DOT1L: variants seen among roughly 807,000 people sequenced by gnomAD.
DOT1L encodes histone-lysine N-methyltransferase, H3 lysine-79 specific.
A neutral mutation model predicts 153.3 loss-of-function variants in DOT1L; 33 were observed. The observed-to-expected ratio is 0.22, with a 90% CI of 0.16 to 0.29. DOT1L has a LOEUF of 0.29. Ranked by LOEUF, DOT1L falls within the 10% of genes least tolerant of loss-of-function variation. The pLI is 1.00. For missense variants in DOT1L, 1,847 were observed against 2,119.9 expected, an observed-to-expected ratio of 0.87 and a Z score of 2.53; for synonymous variants, 1,135 against 965.1, an observed-to-expected ratio of 1.18 and a Z score of -3.26.
chr19:2,164,514 C>T (rs913388861), intron 1 of DOT1L: 3 of 302,320 alleles, frequency 9.9e-6, no homozygotes, highest in Non-Finnish European at 1.8e-5. Context: ...ACCGCGGTGC[C>T]GTTGCCCCCG....
At chr19:2,229,509 C>T in intron 27 of DOT1L, 1 of 985,476 alleles carries the variant, frequency 1.0e-6, no homozygotes, top group Non-Finnish European at 1.2e-6. Flanking sequence ...AGATGAGCTG[C>T]AGGTAGGGTG....
chr19:2,218,457 G>A lies in DOT1L; in HGVS notation c.2691+539G>A, dbSNP rs572534288. On this transcript the variant is annotated intron_variant, in intron 22 of 27. Coordinates refer to ENST00000398665, the MANE Select transcript of DOT1L (RefSeq NM_032482.3). ...CGCCCAGGCTGGAGTGCAGTGGTGCGATCTCGGCTCACTGCAAGCTCCACC... is the reference window on the plus strand; with the variant it reads ...CGCCCAGGCTGGAGTGCAGTGGTGCAATCTCGGCTCACTGCAAGCTCCACC... Among the ~76,000 whole-genome samples, 9 of 152,170 alleles carry A rather than the reference G, an allele frequency of 5.9e-5. No individual in the cohort carries two copies. The South Asian group carries it at 1.9e-3, about 32-fold the overall frequency.
intron 13 of DOT1L, 41 bp from the exon 14 acceptor site, chr19:2,210,580 A>G (rs2023671979): frequency 1.3e-6 from 2 of 1,598,422 alleles, no homozygotes. Flanking sequence ...CATGGGTGGG[A>G]GGCTCTGTGC....
At position 2,226,918 on chromosome 19, in the gene DOT1L, G is replaced by T. The variant is rs755343633; in HGVS notation, c.4397G>T (p.Gly1466Val). 6.3e-7 allele frequency: 1 copy of T among 1,580,292 alleles called. No homozygotes were observed. Among genetic ancestry groups the T allele is most frequent in the African/African-American group, 1.4e-5 (1 of 72,534 alleles). ...SSAQTHRSFLGPFPPGPQFAL... is the reference protein window; with the variant it reads ...SSAQTHRSFLVPFPPGPQFAL... ...GCCCAGACGCACCGGTCCTTCCTGG[G>T]CCCCTTCCCGCCGGGACCGCAGTTC... The change falls in exon 27 of 28, where the codon GGC becomes GTC. Residue 1466 changes from glycine to valine, a missense_variant. By Grantham distance (109) the Gly-to-Val change is moderately radical. This residue lies in a region of DOT1L where 934 missense variants were observed against 825.3 expected (regional missense o/e 1.13). Transcript: ENST00000398665.
chr19:2,205,998 G>A (rs1039480216), intron 9 of DOT1L, among the ~76,000 whole-genome samples: 14 of 150,448 alleles, frequency 9.3e-5, no homozygotes, highest in African/African-American at 3.4e-4. Context: ...CAGCGTAGTG[G>A]GTTTTTTTTT....
chr19:2,195,100 GTGCGCTCCCCTT>G (rs1228658386), intron 7 of DOT1L, among the ~76,000 whole-genome samples: 2 of 152,140 alleles, frequency 1.3e-5, no homozygotes, highest in African/African-American at 4.8e-5. Flanking sequence ...CCTGTAGGGT[GTGCGCTCCCCTT>G]TCAGTGGCTG....
intron 1 of DOT1L, among the ~76,000 whole-genome samples, chr19:2,175,101 C>G (rs751403078): frequency 6.6e-6 from 1 of 151,662 alleles, no homozygotes; most frequent in African/African-American, 2.4e-5. Flanking sequence ...CGGGTTCATG[C>G]CATTCTCCTG....
rs995893297 is a variant in DOT1L, at chr19:2,227,729, A to G, written c.4606+602A>G. 113 of 1,312,528 alleles carry G rather than the reference A, an allele frequency of 8.6e-5. 1 individual carries two copies. Among genetic ancestry groups the G allele is most frequent in the Non-Finnish European group, 1.1e-4 (105 of 995,460 alleles). 81.3% of individuals were successfully genotyped at this position (1,312,528 alleles called of 1,614,324 possible). A position where few individuals can be genotyped will look rare whatever the true frequency, so the allele number is the denominator to read the frequency against. ...TGTTGAAGCTGCGTTTTTCTCTCCT[A>G]TTTGCAGGTGTCTTTAACCACGCGG... On this transcript the variant is annotated intron_variant, in intron 27 of 27. Transcript: ENST00000398665.
At chr19:2,203,893 T>C (rs780153705) in intron 9 of DOT1L, among the ~76,000 whole-genome samples, 1 of 152,224 alleles carries the variant, frequency 6.6e-6, no homozygotes, top group Non-Finnish European at 1.5e-5. Flanking sequence ...CCAGAGCCAC[T>C]GCTGGGCTCG....
chr19:2,205,063 C>T (rs1475282659), intron 9 of DOT1L, among the ~76,000 whole-genome samples: 2 of 152,058 alleles, frequency 1.3e-5, no homozygotes, highest in Non-Finnish European at 2.9e-5. Flanking sequence ...CTCCGCCTCC[C>T]AGGTTCACGC....
rs748754858 is a variant in DOT1L at position 2,222,129 on chromosome 19, A to G, written c.2960A>G (p.His987Arg). The change falls in exon 24 of 28, where the codon CAC becomes CGC. Residue 987 changes from histidine to arginine, a missense_variant. His to Arg is a conservative substitution (Grantham distance 29, BLOSUM62 0). This residue lies in a region of DOT1L where 934 missense variants were observed against 825.3 expected (regional missense o/e 1.13). Transcript: ENST00000398665. The surrounding 1 kb of genome is among the most constrained non-coding windows in gnomAD (Gnocchi z 6.5). Reference sequence around the variant, plus strand: ...GGGTCCCGCAGCTCCACGCCACAGCACCCCCTGCTGCTGGCACAGCCCCGG... The same window carrying G: ...GGGTCCCGCAGCTCCACGCCACAGCGCCCCCTGCTGCTGGCACAGCCCCGG... ...TVGSRSSTPQ[H>R]PLLLAQPRNS... The G allele has an allele frequency of 6.2e-7, 1 of 1,612,126 alleles. No individual in the cohort carries two copies. The highest frequency in any genetic ancestry group is 8.5e-7 in the Non-Finnish European group (1 of 1,179,622).
chr19:2,180,781 T>G (rs1268873717), intron 2 of DOT1L, 25 bp downstream of exon 2: 9 of 1,613,370 alleles, frequency 5.6e-6, no homozygotes, highest in African/African-American at 1.3e-5. Flanking sequence ...TGCAGTGTGT[T>G]GTCTTCACAG....
At chr19:2,189,979 G>T (rs144956568) in intron 4 of DOT1L, among the ~76,000 whole-genome samples, 184 bp downstream of exon 4, 1 of 152,186 alleles carries the variant, frequency 6.6e-6, no homozygotes, top group Non-Finnish European at 1.5e-5. Context: ...GCTGGGCTGT[G>T]TGCTGTGGCC....
rs1346917803 is a variant in DOT1L at position 2,191,089 on chromosome 19, C to T, written c.342C>T (p.Val114=). Residue 114 remains valine, a synonymous_variant, in exon 5 of 28, where the codon GTC becomes GTT. Transcript: ENST00000398665. This position sits in a 1 kb window ranked among gnomAD's most constrained non-coding sequence, Gnocchi z 6.8. ...TCCTGCGCCATATCCTGCAGCAGGT[C>T]TACAACCACTCGGTGACCGACCCCG... ...TGLLRHILQQ[V]YNHSVTDPEK... The T allele has an allele frequency of 1.6e-5, 26 of 1,613,292 alleles. No homozygotes were observed. Among genetic ancestry groups the T allele is most frequent in the Non-Finnish European group, 2.0e-5 (24 of 1,179,896 alleles).
intron 8 of DOT1L, among the ~76,000 whole-genome samples, chr19:2,201,849 T>C (rs2023299563): frequency 6.6e-6 from 1 of 152,234 alleles, no homozygotes; most frequent in African/African-American, 2.4e-5. Flanking sequence ...CAGCCTGCTC[T>C]GGCTCTGGGC....
intron 1 of DOT1L, among the ~76,000 whole-genome samples, chr19:2,170,111 T>G (rs4807207): frequency 0.97 from 147,371 of 152,346 alleles, 71,348 homozygotes; most frequent in East Asian, 1. Context: ...TCCAGACTGG[T>G]CGACAGAGTG....
At chr19:2,178,232 A>AT (rs554757647) in intron 1 of DOT1L, among the ~76,000 whole-genome samples, 4,444 of 124,922 alleles carry the variant, frequency 0.036, 160 homozygotes, top group African/African-American at 0.094. Context: ...ATGCCTGGCC[A>AT]TTTTTTTTTT....
At chr19:2,184,618 G>C (rs566749234) in intron 2 of DOT1L, among the ~76,000 whole-genome samples, 1 of 152,330 alleles carries the variant, frequency 6.6e-6, no homozygotes, top group Admixed American at 6.5e-5. Context: ...GCCTGCTGCT[G>C]TCACAGCGGC....
chr19:2,180,904 C>T (rs760046633), intron 2 of DOT1L, 148 bp downstream of exon 2: 9 of 908,616 alleles, frequency 9.9e-6, no homozygotes, highest in Admixed American at 7.4e-5. Context: ...GACTCAGGGA[C>T]GGGTAGAGCT....
Sources: gnomAD v4.1 joint callset for allele counts (sites outside exome capture counted in the v4.1 genomes callset) on GRCh38, gnomAD v4.1.1 for gene constraint, gnomAD v4.1.1 regional missense constraint, Gnocchi (gnomAD v3.1) non-coding constraint, MANE v1.5 for transcripts, NCBI Gene and HGNC (gene_info 2026-07-23, HGNC 2026-07-21) for gene names.